Variants in FUS observed in about 807,000 individuals in gnomAD.
FUS encodes RNA-binding protein FUS.
FUS carries 5 observed loss-of-function variants against 82.7 expected under a neutral mutation model. The observed-to-expected ratio is 0.06, with a 90% CI of 0.03 to 0.13. The LOEUF is 0.13. Ranked by LOEUF, FUS falls within the 10% of genes least tolerant of loss-of-function variation. FUS has a pLI of 1.00. For missense variants in FUS, 512 were observed against 707.8 expected (o/e 0.72, Z 3.14); for synonymous variants, 281 against 247.4 (o/e 1.14, Z -1.27).
Position 31,181,033 on chromosome 16 carries a change from C to T in FUS, c.13+806C>T, listed in dbSNP as rs11862100. On this transcript the variant is annotated intron_variant, in intron 1 of 14. Transcript: ENST00000254108. ...GTTCAAGTGATTCTTCTGCCTCAGCCTCCTGAGTAGTTGGGATTATAGGCG... is the reference window on the plus strand; with the variant it reads ...GTTCAAGTGATTCTTCTGCCTCAGCTTCCTGAGTAGTTGGGATTATAGGCG... Among the ~76,000 whole-genome samples the T allele has an allele frequency of 2.5e-3, 379 of 152,300 alleles. 4 individuals carry two copies. Among genetic ancestry groups the T allele is most frequent in the African/African-American group, 8.0e-3 (334 of 41,564 alleles).
At position 31,190,009 on chromosome 16, in the gene FUS, A is replaced by C. The variant is rs765952158; in HGVS notation, c.1067-31A>C. On this transcript the variant is annotated intron_variant, in intron 10 of 14. Coordinates refer to ENST00000254108, the MANE Select transcript of FUS (RefSeq NM_004960.4). ...TTTCGGATTAATGTGTCTTGCATTT[A>C]AAGTCTGTTGATGATTTTTTGTTTC... 3 of 1,589,760 alleles carry C rather than the reference A, an allele frequency of 1.9e-6. No homozygotes were observed. The African/African-American group carries it at 4.0e-5, about 21-fold the overall frequency.
At chr16:31,187,049 A>G (rs1485614583) in intron 7 of FUS, 6 of 618,594 alleles carry the variant, frequency 9.7e-6, no homozygotes, top group South Asian at 9.4e-5. Context: ...TCTTTTACCA[A>G]ATGGGTTTGC....
Position 31,190,458 on chromosome 16 carries a change from T to C in FUS, c.1292+60T>C, listed in dbSNP as rs929217195. 7.5e-6 allele frequency: 12 copies of C among 1,609,662 alleles called. No individual in the cohort carries two copies. In the African/African-American group the frequency reaches 1.6e-4, roughly 22 times the overall value. On this transcript the variant is annotated intron_variant, in intron 12 of 14. Transcript: ENST00000254108. ...GCATGCGTGCTCTTTGATATATTGG[T>C]ACTGAGGTATGTGCGTGTTTTCCAA...
At chr16:31,184,071 C>T in intron 4 of FUS, 69 bp downstream of exon 4, 1 of 1,612,304 alleles carries the variant, frequency 6.2e-7, no homozygotes, top group South Asian at 1.1e-5. Context: ...ATAAAGGGAC[C>T]AGCAGTAGGA....
At chr16:31,190,705 C>G (rs374297808) in intron 12 of FUS, 37 bp from the exon 13 acceptor site, 4 of 1,572,636 alleles carry the variant, frequency 2.5e-6, no homozygotes, top group Non-Finnish European at 2.6e-6. Context: ...TGCCTATTCC[C>G]CATCGCTCCA....
chr16:31,180,680 T>G (rs2058044116), intron 1 of FUS, among the ~76,000 whole-genome samples: 1 of 152,104 alleles, frequency 6.6e-6, no homozygotes, highest in Non-Finnish European at 1.5e-5. Flanking sequence ...TGGTTCAGCT[T>G]TCTGTCGCGA....
rs2144113675 is a variant in FUS, at chr16:31,185,039, T to C, written c.624T>C (p.Tyr208=). The change falls in exon 6 of 15, where the codon TAT becomes TAC. Residue 208 remains tyrosine, a synonymous_variant. Coordinates refer to ENST00000254108, the MANE Select transcript of FUS (RefSeq NM_004960.4). ...GTGGTGGAGGTGGCAGCGGTGGCTA[T>C]GGACAGCAGGACCGTGGAGGCCGCG... is the stretch of plus-strand genomic sequence containing the variant. ...DQSGGGGSGG[Y]GQQDRGGRGR... is the part of the protein sequence containing the mutation. 2 of 1,612,950 alleles carry C rather than the reference T, an allele frequency of 1.2e-6. No homozygotes were observed. Among genetic ancestry groups the C allele is most frequent in the Non-Finnish European group, 8.5e-7 (1 of 1,179,424 alleles).
chr16:31,190,229 C>T, intron 11 of FUS, 46 bp from the exon 12 acceptor site: 6 of 1,613,878 alleles, frequency 3.7e-6, no homozygotes, highest in Non-Finnish European at 3.4e-6. Flanking sequence ...TTAGATTTAC[C>T]AAACTTGGAG....
chr16:31,180,358 C>G, intron 1 of FUS, 131 bp downstream of exon 1: 1 of 1,188,932 alleles, frequency 8.4e-7, no homozygotes, highest in South Asian at 1.3e-5. Context: ...CGGGAAGCCG[C>G]GGAGAAGAGT....
At chr16:31,191,804 G>A (rs1460305424), downstream of FUS, 2 of 573,584 alleles carry the variant, frequency 3.5e-6, no homozygotes, top group Admixed American at 2.2e-5. Flanking sequence ...GAGAAATGAA[G>A]AACATGGGAT....
rs754335560 is a variant in FUS, at chr16:31,190,027, T to G, written c.1067-13T>G. ...TGCATTTAAAGTCTGTTGATGATTTTTTGTTTCTCTAGGTAAAGAATTCTC... is the reference window on the plus strand; with the variant it reads ...TGCATTTAAAGTCTGTTGATGATTTGTTGTTTCTCTAGGTAAAGAATTCTC... On this transcript the variant is annotated splice_polypyrimidine_tract_variant and intron_variant, in intron 10 of 14. Transcript: ENST00000254108. 2.5e-6 allele frequency: 4 copies of G among 1,605,468 alleles called. No individual in the cohort carries two copies. The Admixed American group carries it at 6.9e-5, about 28-fold the overall frequency.
Position 31,180,362 on chromosome 16 carries a change from G to A in FUS, c.13+135G>A. The stretch of plus-strand genomic sequence containing the variant: ...CGCCCCTGTGGCGGGAAGCCGCGGA[G>A]AAGAGTAACTGGAGGAGGCTGGTGT... On this transcript the variant is annotated intron_variant, in intron 1 of 14. Transcript: ENST00000254108. 5.2e-6 allele frequency: 6 copies of A among 1,150,346 alleles called. 1 individual carries two copies. In the South Asian group the frequency reaches 7.9e-5, roughly 15 times the overall value. 71.3% of individuals were successfully genotyped at this position (1,150,346 alleles called of 1,614,324 possible). A position where few individuals can be genotyped will look rare whatever the true frequency, so the allele number is the denominator to read the frequency against.
chr16:31,188,568 AG>A, intron 8 of FUS: 1 of 617,624 alleles, frequency 1.6e-6, no homozygotes, highest in Non-Finnish European at 2.8e-6. Flanking sequence ...CCAGTGATTT[AG>A]GTCTGAGAGG....
At chr16:31,184,901 T>C (rs1181128697) in intron 5 of FUS, 38 bp from the exon 6 acceptor site, 10 of 1,603,662 alleles carry the variant, frequency 6.2e-6, no homozygotes, top group African/African-American at 4.0e-5. Flanking sequence ...TACAATCTTT[T>C]TGTTTTTTTT....
At chr16:31,184,438 C>CA in intron 5 of FUS, 42 bp downstream of exon 5, 3 of 1,212,072 alleles carry the variant, frequency 2.5e-6, no homozygotes, top group Non-Finnish European at 3.4e-6. Flanking sequence ...TTTTCTTTTT[C>CA]TTTTTTTTTT....
At chr16:31,184,051 A>G in intron 4 of FUS, 49 bp downstream of exon 4, 1 of 1,613,426 alleles carries the variant, frequency 6.2e-7, no homozygotes, top group South Asian at 1.1e-5. Context: ...GGGTGAATTG[A>G]TGAGGAATGA....
downstream of FUS, chr16:31,192,612 G>A (rs1431079883): frequency 6.1e-6 from 3 of 488,262 alleles, no homozygotes; most frequent in Middle Eastern, 6.0e-4. Context: ...CCAGGCTGGA[G>A]TGCAGTGGCG....
At chr16:31,186,552 C>T in intron 6 of FUS, 4 of 553,676 alleles carry the variant, frequency 7.2e-6, no homozygotes, top group South Asian at 4.6e-5. Context: ...ATTTTTTTTC[C>T]AGAGGAAATA....
chr16:31,189,535 G>A, intron 9 of FUS, 130 bp from the exon 10 acceptor site: 2 of 1,243,280 alleles, frequency 1.6e-6, no homozygotes, highest in South Asian at 1.2e-5. Flanking sequence ...TACATGTGAG[G>A]TAGGAAGAAG....
Sources: allele counts gnomAD v4.1 joint callset (sites outside exome capture counted in the v4.1 genomes callset), GRCh38; gene constraint gnomAD v4.1.1; transcripts MANE v1.5; gene names NCBI Gene and HGNC (gene_info 2026-07-23, HGNC 2026-07-21).